Variants in LUZP2 observed in about 807,000 individuals in gnomAD.
The protein encoded by LUZP2 is leucine zipper protein 2.
A neutral mutation model predicts 51.6 loss-of-function variants in LUZP2; 52 were observed. The observed-to-expected ratio is 1.01, with a 90% CI of 0.81 to 1.27. The LOEUF is 1.27. Among genes scored for constraint, LUZP2 ranks in the 50% most tolerant of loss-of-function variants. The pLI, the probability that LUZP2 is intolerant of heterozygous loss-of-function variation, is 0.00. For missense variants in LUZP2, 436 were observed against 395.4 expected (o/e 1.10, Z -0.87); for synonymous variants, 154 against 137.3 (o/e 1.12, Z -0.85).
chr11:25,064,465 A>G (rs572221785), intron 10 of LUZP2, among the ~76,000 whole-genome samples: 2 of 152,028 alleles, frequency 1.3e-5, no homozygotes, highest in South Asian at 4.1e-4. Flanking sequence ...TTAACTATTC[A>G]AATTTTCAGC....
At chr11:24,640,970 TATAG>T (rs1448633316) in intron 1 of LUZP2, among the ~76,000 whole-genome samples, 1 of 36,476 alleles carries the variant, frequency 2.7e-5, no homozygotes, top group Non-Finnish European at 4.8e-5. Flanking sequence ...TAGATATAGA[TATAG>T]ATATAGATAT....
chr11:24,600,081 T>G (rs927935599), intron 1 of LUZP2, among the ~76,000 whole-genome samples: 1 of 152,062 alleles, frequency 6.6e-6, no homozygotes. Context: ...AGGGTCTTCA[T>G]GTAAATTAAG....
At chr11:24,937,579 A>G (rs922640546) in intron 7 of LUZP2, among the ~76,000 whole-genome samples, 1 of 152,170 alleles carries the variant, frequency 6.6e-6, no homozygotes. Flanking sequence ...GAGTCTAAAC[A>G]ATTATTGGTC....
intron 4 of LUZP2, among the ~76,000 whole-genome samples, chr11:24,744,126 A>C (rs377581747): frequency 1.3e-5 from 2 of 151,994 alleles, no homozygotes; most frequent in Non-Finnish European, 2.9e-5. Flanking sequence ...GTATTTTGTT[A>C]AGGATTTTAG....
intron 1 of LUZP2, among the ~76,000 whole-genome samples, chr11:24,552,488 T>G (rs1851750210): frequency 6.6e-6 from 1 of 151,990 alleles, no homozygotes; most frequent in Admixed American, 6.6e-5. Flanking sequence ...TAAACAATAT[T>G]ATCTAGACTT....
At chr11:24,838,222 T>C (rs1184178290) in intron 5 of LUZP2, among the ~76,000 whole-genome samples, 1 of 151,702 alleles carries the variant, frequency 6.6e-6, no homozygotes, top group African/African-American at 2.4e-5. Flanking sequence ...TTACTGTAAA[T>C]AAATGGGTAT....
At chr11:24,562,397 G>T (rs1485674058) in intron 1 of LUZP2, among the ~76,000 whole-genome samples, 1 of 151,706 alleles carries the variant, frequency 6.6e-6, no homozygotes, top group Non-Finnish European at 1.5e-5. Context: ...GATAAGAAAG[G>T]CACCCCAAGG....
intron 5 of LUZP2, among the ~76,000 whole-genome samples, chr11:24,854,882 G>A (rs1483791139): frequency 1.3e-5 from 2 of 152,104 alleles, no homozygotes; most frequent in East Asian, 3.9e-4. Flanking sequence ...GGCTAGGGGT[G>A]GGAATTTCTC....
At chr11:24,714,969 A>G (rs1857981581) in intron 1 of LUZP2, among the ~76,000 whole-genome samples, 1 of 152,018 alleles carries the variant, frequency 6.6e-6, no homozygotes, top group African/African-American at 2.4e-5. Context: ...TTAACTAAAG[A>G]CTCTCAGCCC....
intron 6 of LUZP2, among the ~76,000 whole-genome samples, chr11:24,911,720 A>G (rs1302238901): frequency 6.6e-6 from 1 of 152,124 alleles, no homozygotes; most frequent in Non-Finnish European, 1.5e-5. Flanking sequence ...CAGAGAGTAA[A>G]TTAACATAAT....
At chr11:24,605,975 C>T (rs73433033) in intron 1 of LUZP2, among the ~76,000 whole-genome samples, 424 of 151,928 alleles carry the variant, frequency 2.8e-3, no homozygotes, top group African/African-American at 9.9e-3. Context: ...ATATGTCTGA[C>T]TTATCCCACT....
intron 1 of LUZP2, among the ~76,000 whole-genome samples, chr11:24,638,784 C>G (rs1480524423): frequency 6.6e-6 from 1 of 151,150 alleles, no homozygotes; most frequent in Non-Finnish European, 1.5e-5. Context: ...ATTAACTAAC[C>G]TAATCAACAA....
At chr11:24,535,620 T>A (rs1012796040) in intron 1 of LUZP2, among the ~76,000 whole-genome samples, 1 of 151,602 alleles carries the variant, frequency 6.6e-6, no homozygotes, top group Admixed American at 6.6e-5. Context: ...CATCTTTAGA[T>A]TCCACTTCTA....
intron 7 of LUZP2, among the ~76,000 whole-genome samples, chr11:24,933,924 G>A (rs917970336): frequency 6.6e-6 from 1 of 152,166 alleles, no homozygotes; most frequent in South Asian, 2.1e-4. Context: ...ACATTTTCAA[G>A]GGTGGGGAGA....
chr11:24,906,143 T>G, intron 6 of LUZP2, 90 bp downstream of exon 6: 1 of 772,454 alleles, frequency 1.3e-6, no homozygotes, highest in Non-Finnish European at 2.1e-6. Context: ...TGGTAACTCT[T>G]TTTCCTCCTA....
intron 1 of LUZP2, among the ~76,000 whole-genome samples, chr11:24,554,557 CCTTT>C (rs1851811248): frequency 2.0e-5 from 3 of 151,868 alleles, no homozygotes; most frequent in Non-Finnish European, 4.4e-5. Flanking sequence ...CTCTAGATGT[CCTTT>C]CTATCTACTG....
chr11:24,517,858 C>T (rs1484140527), intron 1 of LUZP2, among the ~76,000 whole-genome samples: 1 of 152,090 alleles, frequency 6.6e-6, no homozygotes, highest in African/African-American at 2.4e-5. Flanking sequence ...GTATAACAGG[C>T]TCTTTTTAAT....
rs183612601 is a variant in LUZP2 at position 24,660,403 on chromosome 11, G to C, written c.63-68766G>C. Among the ~76,000 whole-genome samples, 14 of 152,190 alleles carry C rather than the reference G, an allele frequency of 9.2e-5. No homozygotes were observed. The East Asian group carries it at 2.5e-3, about 27-fold the overall frequency. ...TATAATGTGATGTGAAAATATCTGT[G>C]TTTTTCTATTTGTAATGAAGTCACA... On this transcript the variant is annotated intron_variant, in intron 1 of 11. Coordinates refer to ENST00000336930, the MANE Select transcript of LUZP2 (RefSeq NM_001009909.4).
At chr11:24,880,174 A>G (rs78466575) in intron 5 of LUZP2, among the ~76,000 whole-genome samples, 5,787 of 152,230 alleles carry the variant, frequency 0.038, 144 homozygotes, top group Non-Finnish European at 0.058. Flanking sequence ...GACTGGTTTA[A>G]TACTCCCCCC....
Sources: allele counts gnomAD v4.1 joint callset (sites outside exome capture counted in the v4.1 genomes callset), GRCh38; gene constraint gnomAD v4.1.1; transcripts MANE v1.5; gene names NCBI Gene and HGNC (gene_info 2026-07-23, HGNC 2026-07-21).